The following VWA8 variants were observed in gnomAD, a reference collection of about 807,000 sequenced individuals.
The protein encoded by VWA8 is von Willebrand factor A domain-containing protein 8.
VWA8 carries 221 observed loss-of-function variants against 241.5 expected under a neutral mutation model. The ratio of observed to expected loss-of-function variants is 0.91; its 90% CI spans 0.82 to 1.02. VWA8 has a LOEUF of 1.02. VWA8 is among the 50% of genes least tolerant of loss of function. The probability of loss-of-function intolerance (pLI) is 0.00; values close to 1 mark genes in which losing one functional copy is unlikely to be tolerated. For missense variants in VWA8, 2,322 were observed against 2,328.7 expected (o/e 1.00, Z 0.06); for synonymous variants, 852 against 827.1 (o/e 1.03, Z -0.52).
At chr13:41,689,147 C>T (rs1409375336) in intron 34 of VWA8, among the ~76,000 whole-genome samples, 3 of 152,058 alleles carry the variant, frequency 2.0e-5, no homozygotes, top group Non-Finnish European at 4.4e-5. Context: ...TCTATCATTG[C>T]ATTACGCTTT....
At chr13:41,795,609 T>TGG (rs1177137466) in intron 17 of VWA8, among the ~76,000 whole-genome samples, 2 of 152,170 alleles carry the variant, frequency 1.3e-5, no homozygotes, top group Non-Finnish European at 2.9e-5. Flanking sequence ...TAGAATACTA[T>TGG]GTAGCCATAA....
At chr13:41,757,256 T>G (rs920383058) in intron 21 of VWA8, among the ~76,000 whole-genome samples, 8 of 151,706 alleles carry the variant, frequency 5.3e-5, no homozygotes, top group Non-Finnish European at 7.4e-5. Flanking sequence ...TTCCTATATC[T>G]CCTATAATAC....
intron 2 of VWA8, among the ~76,000 whole-genome samples, chr13:41,948,794 G>T (rs1877978488): frequency 6.6e-6 from 1 of 152,030 alleles, no homozygotes; most frequent in Non-Finnish European, 1.5e-5. Flanking sequence ...GTTCACAGCA[G>T]GCTTCAAATG....
rs185488587 is a variant in VWA8, at chr13:41,600,834, A to G, written c.4986+4334T>C. Among the ~76,000 whole-genome samples the G allele has an allele frequency of 3.5e-3, 526 of 151,844 alleles. 3 individuals are homozygous for G. The highest frequency in any genetic ancestry group is 0.012 in the African/African-American group (509 of 41,414). Reference sequence around the variant, plus strand: ...TCAGTGTCACTTGTCTTTTTGTCCTACCTCCAAATTGCTTCTTGAATTTGT... The same window carrying G: ...TCAGTGTCACTTGTCTTTTTGTCCTGCCTCCAAATTGCTTCTTGAATTTGT... On this transcript the variant is annotated intron_variant, in intron 40 of 44. Transcript: ENST00000379310.
chr13:41,617,642 C>A (rs2044629969), intron 37 of VWA8, among the ~76,000 whole-genome samples: 1 of 151,846 alleles, frequency 6.6e-6, no homozygotes, highest in South Asian at 2.1e-4. Context: ...CTCCCCCAGC[C>A]CCCCGCCCTG....
chr13:41,587,201 T>C (rs1042132410), intron 42 of VWA8, among the ~76,000 whole-genome samples: 1 of 151,658 alleles, frequency 6.6e-6, no homozygotes, highest in Admixed American at 6.6e-5. Flanking sequence ...GGGGCAAGAG[T>C]GGGTGGGTAT....
At chr13:41,884,831 G>A (rs933938507) in intron 8 of VWA8, among the ~76,000 whole-genome samples, 3 of 152,064 alleles carry the variant, frequency 2.0e-5, no homozygotes, top group Non-Finnish European at 4.4e-5. Flanking sequence ...ATTCTGTTCT[G>A]GATGTATAGA....
intron 9 of VWA8, among the ~76,000 whole-genome samples, chr13:41,882,133 G>A (rs1312655530): frequency 3.3e-5 from 5 of 151,058 alleles, no homozygotes; most frequent in South Asian, 4.2e-4. Context: ...ACGGGGTCGC[G>A]GCCGGGTGGA....
chr13:41,631,753 TAAAC>T (rs1407164261), intron 37 of VWA8, among the ~76,000 whole-genome samples: 1 of 152,222 alleles, frequency 6.6e-6, no homozygotes, highest in African/African-American at 2.4e-5. Context: ...GCTATACTTA[TAAAC>T]AAACCTTTAA....
chr13:41,950,982 C>T (rs1344935932), intron 1 of VWA8, among the ~76,000 whole-genome samples: 1 of 152,020 alleles, frequency 6.6e-6, no homozygotes, highest in African/African-American at 2.4e-5. Context: ...AGAGTGTTAC[C>T]TTTAACACAG....
chr13:41,852,526 T>C (rs988331992), intron 12 of VWA8, among the ~76,000 whole-genome samples: 3 of 152,276 alleles, frequency 2.0e-5, no homozygotes, highest in African/African-American at 7.2e-5. Flanking sequence ...TCCAAAATAC[T>C]GTTACCCAGA....
At chr13:41,784,699 T>TATAC (rs199691495) in intron 18 of VWA8, among the ~76,000 whole-genome samples, 85 of 37,192 alleles carry the variant, frequency 2.3e-3, no homozygotes, top group Middle Eastern at 0.026. Flanking sequence ...TACATATACA[T>TATAC]ATATATATAT....
chr13:41,922,935 G>A (rs1876628278), intron 2 of VWA8, among the ~76,000 whole-genome samples: 1 of 152,194 alleles, frequency 6.6e-6, no homozygotes, highest in Non-Finnish European at 1.5e-5. Context: ...CCATTACTGG[G>A]TATATACCCA....
intron 12 of VWA8, among the ~76,000 whole-genome samples, chr13:41,848,035 T>C (rs1201079544): frequency 6.6e-6 from 1 of 152,168 alleles, no homozygotes; most frequent in African/African-American, 2.4e-5. Flanking sequence ...ATGGTTACAG[T>C]AGATCCTGCA....
At chr13:41,571,639 C>G (rs1444416417) in intron 43 of VWA8, among the ~76,000 whole-genome samples, 2 of 152,232 alleles carry the variant, frequency 1.3e-5, no homozygotes, top group African/African-American at 4.8e-5. Context: ...CGGAGTCTCG[C>G]TCACTCAGTG....
At chr13:41,946,124 T>TG (rs1215905723) in intron 2 of VWA8, among the ~76,000 whole-genome samples, 3 of 147,516 alleles carry the variant, frequency 2.0e-5, no homozygotes, top group African/African-American at 5.1e-5. Flanking sequence ...TTCAAAGTGC[T>TG]GAAAAAAAAA....
chr13:41,812,668 T>C (rs995299082), intron 16 of VWA8, among the ~76,000 whole-genome samples: 2 of 152,188 alleles, frequency 1.3e-5, no homozygotes, highest in Non-Finnish European at 2.9e-5. Context: ...CCATAAGATA[T>C]TGGTTTGCTG....
rs925235467 is a variant in VWA8 at position 41,886,402 on chromosome 13, A to C, written c.867-374T>G. 3.9e-5 allele frequency among the ~76,000 whole-genome samples: 6 copies of C among 152,140 alleles called. No individual in the cohort carries two copies. The South Asian group carries it at 6.2e-4, about 16-fold the overall frequency. ...AAACAAACAAACAAACAAAACAAAA[A>C]AAAAACACTTGTTGTGTTCGAATTT... On this transcript the variant is annotated intron_variant, in intron 7 of 44. Coordinates refer to ENST00000379310, the MANE Select transcript of VWA8 (RefSeq NM_015058.2).
At chr13:41,846,828 G>A (rs1295738567) in intron 12 of VWA8, among the ~76,000 whole-genome samples, 1 of 152,110 alleles carries the variant, frequency 6.6e-6, no homozygotes, top group East Asian at 1.9e-4. Context: ...CCTGAGGCCA[G>A]GAGTTCAAGA....
Sources: gnomAD v4.1 joint callset for allele counts (sites outside exome capture counted in the v4.1 genomes callset) on GRCh38, gnomAD v4.1.1 for gene constraint, MANE v1.5 for transcripts, NCBI Gene and HGNC (gene_info 2026-07-23, HGNC 2026-07-21) for gene names.